The following STAU1 variants were observed in gnomAD, a reference collection of about 807,000 sequenced individuals.
STAU1 encodes double-stranded RNA-binding protein Staufen homolog 1.
STAU1 carries 13 observed loss-of-function variants against 62.9 expected under a neutral mutation model. The observed-to-expected ratio is 0.21, with a 90% CI of 0.13 to 0.33. The LOEUF is 0.33. STAU1 is among the 10% of genes least tolerant of loss of function. STAU1 has a pLI of 1.00. For synonymous variants in STAU1, 269 were observed against 265.1 expected (o/e 1.01, Z -0.14); for missense variants, 571 against 712.1 (o/e 0.80, Z 2.25).
At chr20:49,152,637 G>A (rs113935224) in intron 4 of STAU1, among the ~76,000 whole-genome samples, 20 of 152,144 alleles carry the variant, frequency 1.3e-4, no homozygotes, top group African/African-American at 4.8e-4. Context: ...ACCACACCTG[G>A]CCTCCACTAA....
At chr20:49,157,299 CTT>C (rs1273825035) in intron 3 of STAU1, among the ~76,000 whole-genome samples, 1 of 152,072 alleles carries the variant, frequency 6.6e-6, no homozygotes, top group African/African-American at 2.4e-5. Context: ...TTTGTGGGCT[CTT>C]GTTTGAAAAC....
the STAU1 span, among the ~76,000 whole-genome samples, chr20:49,216,455 G>C: frequency 6.6e-6 from 1 of 152,052 alleles, no homozygotes; most frequent in Non-Finnish European, 1.5e-5. Context: ...TTGGACCCAG[G>C]AGGCAGAGGT....
intron 5 of STAU1, among the ~76,000 whole-genome samples, chr20:49,146,707 AAAAAAAAAAAAG>A (rs2093139052): frequency 6.8e-6 from 1 of 147,036 alleles, no homozygotes; most frequent in Non-Finnish European, 1.5e-5. Flanking sequence ...CCTATCTCCA[AAAAAAAAAAAAG>A]GAAAGAAAGA....
the STAU1 span, among the ~76,000 whole-genome samples, chr20:49,195,303 C>T: frequency 6.6e-6 from 1 of 151,326 alleles, no homozygotes; most frequent in Non-Finnish European, 1.5e-5. Context: ...TTTGGGAGGC[C>T]GAGGCAGGCG....
chr20:49,158,648 A>G (rs2093401647), intron 3 of STAU1, among the ~76,000 whole-genome samples: 1 of 152,038 alleles, frequency 6.6e-6, no homozygotes, highest in Admixed American at 6.6e-5. Context: ...CATCTCTACT[A>G]AAAATGCAAA....
chr20:49,186,804 G>A (rs2093793363), intron 1 of STAU1, among the ~76,000 whole-genome samples: 1 of 151,742 alleles, frequency 6.6e-6, no homozygotes, highest in Non-Finnish European at 1.5e-5. Flanking sequence ...AAATCAACCG[G>A]GAACCTGATT....
At chr20:49,138,503 C>T (rs1440456904) in intron 5 of STAU1, among the ~76,000 whole-genome samples, 1 of 151,914 alleles carries the variant, frequency 6.6e-6, no homozygotes, top group African/African-American at 2.4e-5. Flanking sequence ...CCTACACATA[C>T]TTTTTTTTGT....
At chr20:49,146,410 A>T (rs1404935014) in intron 5 of STAU1, among the ~76,000 whole-genome samples, 2 of 152,192 alleles carry the variant, frequency 1.3e-5, no homozygotes, top group Admixed American at 6.5e-5. Context: ...AAAGTATTTT[A>T]AAAACTTCAG....
At chr20:49,202,967 A>T in the STAU1 span, among the ~76,000 whole-genome samples, 1 of 151,968 alleles carries the variant, frequency 6.6e-6, no homozygotes, top group South Asian at 2.1e-4. Context: ...GCTTGAACCC[A>T]GGAGGTGGAG....
At chr20:49,194,108 C>A in the STAU1 span, among the ~76,000 whole-genome samples, 1 of 152,016 alleles carries the variant, frequency 6.6e-6, no homozygotes, top group African/African-American at 2.4e-5. Flanking sequence ...AGGGAACATA[C>A]CAAATTGATC....
At chr20:49,155,783 G>A (rs999602809) in intron 3 of STAU1, among the ~76,000 whole-genome samples, 2 of 152,146 alleles carry the variant, frequency 1.3e-5, no homozygotes, top group African/African-American at 4.8e-5. Context: ...CATTTTAAGA[G>A]CAGCTCTGAT....
intron 1 of STAU1, among the ~76,000 whole-genome samples, chr20:49,182,853 A>G (rs2093743034): frequency 2.0e-5 from 3 of 151,764 alleles, no homozygotes; most frequent in African/African-American, 7.3e-5. Flanking sequence ...AAAAAAAAAA[A>G]AATAGTAGAC....
intron 6 of STAU1, among the ~76,000 whole-genome samples, chr20:49,129,334 G>A (rs1319041537): frequency 2.2e-5 from 3 of 135,258 alleles, no homozygotes; most frequent in Non-Finnish European, 4.5e-5. Context: ...GTCACCCAGG[G>A]TGGAACGCAG....
chr20:49,195,537 A>G, the STAU1 span, among the ~76,000 whole-genome samples: 1 of 108,048 alleles, frequency 9.3e-6, no homozygotes, highest in African/African-American at 3.3e-5. Context: ...CTCCGTCTCA[A>G]AAAAAAAAAA....
chr20:49,207,312 C>T, the STAU1 span, among the ~76,000 whole-genome samples: 1 of 151,890 alleles, frequency 6.6e-6, no homozygotes, highest in African/African-American at 2.4e-5. Flanking sequence ...TGCCACTTTT[C>T]TCTCGCCTCC....
chr20:49,115,019 CA>C lies in STAU1; in HGVS notation c.1719-127del, dbSNP rs2092279847. 7 of 970,498 alleles carry C rather than the reference CA, an allele frequency of 7.2e-6. No individual in the cohort carries two copies. The Admixed American group carries it at 1.4e-4, about 20-fold the overall frequency. The allele number at this position is 970,498 out of a possible 1,614,324, so 60.1% of individuals were successfully genotyped here. A position where few individuals can be genotyped will look rare whatever the true frequency, so the allele number is the denominator to read the frequency against. On this transcript the variant is annotated intron_variant, in intron 13 of 13. Transcript: ENST00000371856. The stretch of plus-strand genomic sequence containing the variant: ...TACTAAAAGCCCCAGTTTATGATAA[CA>C]AAAGTTTTCCCAGGGTATGCCAGTA...
chr20:49,206,751 A>ATATATT, the STAU1 span, among the ~76,000 whole-genome samples: 126 of 95,022 alleles, frequency 1.3e-3, 1 homozygote, highest in Non-Finnish European at 2.1e-3. Context: ...ATATATATAT[A>ATATATT]TTTTATTTTA....
chr20:49,137,681 T>C (rs571986438), intron 5 of STAU1, among the ~76,000 whole-genome samples: 2 of 152,176 alleles, frequency 1.3e-5, no homozygotes, highest in Admixed American at 6.5e-5. Flanking sequence ...TTTTTTTTTT[T>C]TGAGATGGAG....
intron 5 of STAU1, among the ~76,000 whole-genome samples, chr20:49,148,748 G>A (rs1193090298): frequency 2.0e-5 from 3 of 152,232 alleles, no homozygotes; most frequent in East Asian, 3.8e-4. Context: ...TACAACAGCC[G>A]CTGCCCTCAG....
Sources: gnomAD v4.1 joint callset for allele counts (sites outside exome capture counted in the v4.1 genomes callset) on GRCh38, gnomAD v4.1.1 for gene constraint, MANE v1.5 for transcripts, NCBI Gene and HGNC (gene_info 2026-07-23, HGNC 2026-07-21) for gene names.